KALRN: variants seen among roughly 807,000 people sequenced by gnomAD.
KALRN encodes the protein kalirin RhoGEF kinase, also known as kalirin.
KALRN carries 70 observed loss-of-function variants against 353.7 expected under a neutral mutation model. The ratio of observed to expected loss-of-function variants is 0.20; its 90% CI spans 0.16 to 0.24. The LOEUF (loss-of-function observed/expected upper bound fraction) is 0.24. Ranked by LOEUF, KALRN falls within the 10% of genes least tolerant of loss-of-function variation. The pLI is 1.00. For synonymous variants in KALRN, 1,391 were observed against 1,434.8 expected, an observed-to-expected ratio of 0.97 and a Z score of 0.69; for missense variants, 2,791 against 3,756.7, an observed-to-expected ratio of 0.74 and a Z score of 6.72.
chr3:124,635,147 A>G (rs918955672), intron 36 of KALRN, among the ~76,000 whole-genome samples: 1 of 152,092 alleles, frequency 6.6e-6, no homozygotes, highest in African/African-American at 2.4e-5. Flanking sequence ...ACTCTGGATT[A>G]TTGGGAAGAG....
At chr3:124,485,622 A>C (rs536789136) in intron 28 of KALRN, among the ~76,000 whole-genome samples, 2 of 152,326 alleles carry the variant, frequency 1.3e-5, no homozygotes, top group Admixed American at 1.3e-4. Context: ...GCTCACACCT[A>C]TAATCCCAGC....
chr3:124,584,959 T>C (rs1259918703), intron 34 of KALRN: 62 of 1,511,424 alleles, frequency 4.1e-5, no homozygotes, highest in Admixed American at 5.9e-5. Context: ...CTGGTCGCGC[T>C]CAGCGCGAGG....
At chr3:124,119,616 G>T (rs575857862) in intron 1 of KALRN, among the ~76,000 whole-genome samples, 2 of 152,336 alleles carry the variant, frequency 1.3e-5, no homozygotes, top group African/African-American at 4.8e-5. Flanking sequence ...ACTACTTCCA[G>T]GCTGTCCCAA....
chr3:124,345,046 G>T (rs1222604775), intron 9 of KALRN, among the ~76,000 whole-genome samples: 1 of 152,108 alleles, frequency 6.6e-6, no homozygotes, highest in African/African-American at 2.4e-5. Context: ...GATAAAAAAT[G>T]AGATAAAACA....
At chr3:124,311,989 A>C (rs1242382831) in intron 6 of KALRN, among the ~76,000 whole-genome samples, 1 of 152,208 alleles carries the variant, frequency 6.6e-6, no homozygotes, top group East Asian at 1.9e-4. Context: ...TGTTGCTTAG[A>C]GTTAGAATGG....
intron 19 of KALRN, among the ~76,000 whole-genome samples, chr3:124,443,265 C>G (rs1368174084): frequency 6.6e-6 from 1 of 152,202 alleles, no homozygotes; most frequent in East Asian, 1.9e-4. Context: ...AAGAGTTTAA[C>G]AAATGTCATC....
At chr3:124,426,142 T>G (rs1576826780) in intron 15 of KALRN, among the ~76,000 whole-genome samples, 1 of 152,194 alleles carries the variant, frequency 6.6e-6, no homozygotes, top group East Asian at 1.9e-4. Context: ...CTTGTTTTCC[T>G]TGTCAGTGTA....
intron 32 of KALRN, among the ~76,000 whole-genome samples, chr3:124,493,162 A>G (rs1418182642): frequency 1.3e-5 from 2 of 152,252 alleles, no homozygotes; most frequent in African/African-American, 4.8e-5. Context: ...GAGCCATCTA[A>G]TAGTCATGTC....
At chr3:124,099,967 C>A (rs1259217368) in intron 1 of KALRN, among the ~76,000 whole-genome samples, 1 of 152,096 alleles carries the variant, frequency 6.6e-6, no homozygotes. Context: ...AGTTCGAGAC[C>A]AGCCTGGCCA....
chr3:124,209,644 A>G (rs149233858), intron 1 of KALRN, among the ~76,000 whole-genome samples: 1 of 152,170 alleles, frequency 6.6e-6, no homozygotes, highest in African/African-American at 2.4e-5. Context: ...GAAACCACTA[A>G]GAAATTATAG....
chr3:124,089,018 C>CA (rs1180349347), intron 1 of KALRN, among the ~76,000 whole-genome samples: 2 of 149,694 alleles, frequency 1.3e-5, no homozygotes, highest in Non-Finnish European at 3.0e-5. Flanking sequence ...GGAACACACA[C>CA]AGATTGTATA....
At chr3:124,377,394 A>C (rs1040930863) in intron 10 of KALRN, among the ~76,000 whole-genome samples, 5 of 152,164 alleles carry the variant, frequency 3.3e-5, no homozygotes, top group African/African-American at 4.8e-5. Context: ...ATTTAATTAC[A>C]TTATAGTCAG....
chr3:124,457,885 T>C (rs2059476973), intron 23 of KALRN, among the ~76,000 whole-genome samples: 1 of 152,148 alleles, frequency 6.6e-6, no homozygotes, highest in South Asian at 2.1e-4. Context: ...TCTAAGTCAA[T>C]TTTACTTCAA....
At position 124,334,769 on chromosome 3, in the gene KALRN, G is replaced by A. The variant is rs564458211; in HGVS notation, c.1647+274G>A. ...TCAGTCTCAGGAACTGCAATTCCTC[G>A]TAGTCATGTGGCACATTTTTCTTTT... On this transcript the variant is annotated intron_variant, in intron 9 of 59. Transcript: ENST00000682506. This position sits in a 1 kb window ranked among gnomAD's most constrained non-coding sequence, Gnocchi z 4.2. Among the ~76,000 whole-genome samples the A allele has an allele frequency of 7.6e-4, 115 of 152,292 alleles. No homozygotes were observed. Among genetic ancestry groups the A allele is most frequent in the South Asian group, 2.7e-3 (13 of 4,822 alleles).
chr3:124,411,811 T>A (rs1043562859), intron 13 of KALRN, among the ~76,000 whole-genome samples: 1 of 152,152 alleles, frequency 6.6e-6, no homozygotes, highest in African/African-American at 2.4e-5. Context: ...AGTTAGAGAA[T>A]GAAGTACTTT....
chr3:124,474,810 C>A, intron 26 of KALRN, 78 bp downstream of exon 26: 1 of 1,110,520 alleles, frequency 9.0e-7, no homozygotes, highest in South Asian at 1.2e-5. Context: ...GGACTGGAGT[C>A]ATTGCCAGTC....
intron 34 of KALRN, among the ~76,000 whole-genome samples, chr3:124,567,042 C>CT (rs2072929754): frequency 2.0e-5 from 3 of 152,168 alleles, no homozygotes; most frequent in Non-Finnish European, 2.9e-5. Flanking sequence ...CAGGATGGTT[C>CT]TTGATGATCC....
At chr3:124,137,498 A>T (rs1305497311) in intron 1 of KALRN, among the ~76,000 whole-genome samples, 2 of 152,010 alleles carry the variant, frequency 1.3e-5, no homozygotes, top group Non-Finnish European at 2.9e-5. Flanking sequence ...CAGAGGATGT[A>T]AGGATGTGGT....
At chr3:124,300,644 G>A (rs182861179) in intron 6 of KALRN, among the ~76,000 whole-genome samples, 23 of 152,340 alleles carry the variant, frequency 1.5e-4, no homozygotes, top group African/African-American at 4.1e-4. Context: ...GTCCTATCAC[G>A]TGCTGGGAAA....
Sources: gnomAD v4.1 joint callset for allele counts (sites outside exome capture counted in the v4.1 genomes callset) on GRCh38, gnomAD v4.1.1 for gene constraint, Gnocchi (gnomAD v3.1) non-coding constraint, MANE v1.5 for transcripts, NCBI Gene and HGNC (gene_info 2026-07-23, HGNC 2026-07-21) for gene names.